N4BP2L2: variants seen among roughly 807,000 people sequenced by gnomAD.
N4BP2L2 encodes the protein NEDD4-binding protein 2-like 2.
N4BP2L2 carries 50 observed loss-of-function variants against 56.2 expected under a neutral mutation model. The observed-to-expected ratio is 0.89, with a 90% confidence interval of 0.71 to 1.13. The LOEUF (loss-of-function observed/expected upper bound fraction) is 1.13, where lower values mean the gene tolerates loss of function less well. Ranked by LOEUF, N4BP2L2 falls within the 50% of genes most tolerant of loss-of-function variation. N4BP2L2 has a pLI of 0.00. For synonymous variants in N4BP2L2, 203 were observed against 223.6 expected (o/e 0.91, Z 0.82); for missense variants, 689 against 693.8 (o/e 0.99, Z 0.08).
chr13:32,512,818 T>G (rs1008468722), exon 6 of N4BP2L2: 5 of 150,440 alleles, frequency 3.3e-5, no homozygotes, highest in Admixed American at 3.3e-4. Context: ...GATCACGAGG[T>G]CAGGAGATCA....
intron 6 of N4BP2L2, among the ~76,000 whole-genome samples, chr13:32,465,147 A>G (rs893265405): frequency 1.3e-5 from 2 of 151,994 alleles, no homozygotes; most frequent in Non-Finnish European, 2.9e-5. Context: ...TTGTATTTTT[A>G]GTAGAGACGG....
Position 32,518,056 on chromosome 13 carries a change from G to C in N4BP2L2, c.1551-53C>G, listed in dbSNP as rs557189256. On this transcript the variant is annotated intron_variant, in intron 5 of 5. Transcript: ENST00000267068. ...CTTTGTTGCAGAATGTACAGGCTTAGAGATTAACTGTTTTAGAGAAAAAGC... is the reference window on the plus strand; with the variant it reads ...CTTTGTTGCAGAATGTACAGGCTTACAGATTAACTGTTTTAGAGAAAAAGC... 2.2e-5 allele frequency: 33 copies of C among 1,509,078 alleles called. 1 individual carries two copies. The South Asian group carries it at 2.9e-4, about 13-fold the overall frequency. 93.5% of individuals were successfully genotyped at this position (1,509,078 alleles called of 1,614,324 possible).
intron 6 of N4BP2L2, among the ~76,000 whole-genome samples, chr13:32,479,911 TGAGA>T (rs148503038): frequency 2.9e-5 from 4 of 139,184 alleles, no homozygotes; most frequent in Non-Finnish European, 4.7e-5. Context: ...AGACACAGAG[TGAGA>T]GAGAGAGAGA....
intron 6 of N4BP2L2, among the ~76,000 whole-genome samples, chr13:32,455,546 G>A (rs73460532): frequency 0.011 from 1,618 of 152,248 alleles, 38 homozygotes; most frequent in African/African-American, 0.036. Flanking sequence ...TGCACATGCC[G>A]AGGACAGGTC....
intron 6 of N4BP2L2, among the ~76,000 whole-genome samples, chr13:32,458,190 G>A (rs537926951): frequency 3.4e-4 from 52 of 152,176 alleles, no homozygotes; most frequent in African/African-American, 7.9e-4. Flanking sequence ...TCAGTCTCCC[G>A]AGTAGCTGGG....
intron 2 of N4BP2L2, among the ~76,000 whole-genome samples, chr13:32,530,016 G>C (rs529990891): frequency 6.6e-6 from 1 of 152,038 alleles, no homozygotes; most frequent in East Asian, 1.9e-4. Context: ...GTGAGCCACC[G>C]TGCCCGGCAC....
In N4BP2L2 at chr13:32,536,616, C is replaced by A. The variant is rs769714752; in HGVS notation, c.412G>T (p.Glu138Ter). 6.2e-7 allele frequency: 1 copy of A among 1,613,768 alleles called. No individual in the cohort carries two copies. The highest frequency in any genetic ancestry group is 8.5e-7 in the Non-Finnish European group (1 of 1,179,974). ...AGAACATGTGCCTCATTCCTCCCTTCATTACGTTTCTTTTTCTCAGGGGGT... is the reference window on the plus strand; with the variant it reads ...AGAACATGTGCCTCATTCCTCCCTTAATTACGTTTCTTTTTCTCAGGGGGT... Residue 138 changes from glutamate to a stop codon, truncating the protein, a stop_gained, in exon 2 of 6, where the codon GAA becomes TAA. Coordinates refer to ENST00000267068, the Ensembl canonical transcript of N4BP2L2. LOFTEE classifies it high-confidence loss of function.
chr13:32,494,120 A>T (rs921638155), intron 6 of N4BP2L2, among the ~76,000 whole-genome samples: 1 of 152,012 alleles, frequency 6.6e-6, no homozygotes, highest in Non-Finnish European at 1.5e-5. Flanking sequence ...AAAAATAAAA[A>T]AAAATAAAAA....
chr13:32,460,386 G>A (rs1245521753), intron 6 of N4BP2L2, among the ~76,000 whole-genome samples: 1 of 152,154 alleles, frequency 6.6e-6, no homozygotes, highest in Non-Finnish European at 1.5e-5. Context: ...CACAGGGCAT[G>A]ATCTTGTATT....
chr13:32,440,935 CTGCCTCCCAGGCA>C (rs148789830), intron 7 of N4BP2L2, among the ~76,000 whole-genome samples: 31,200 of 149,908 alleles, frequency 0.21, 3,496 homozygotes, highest in South Asian at 0.39. Flanking sequence ...ACTGCGACCT[CTGCCTCCCAGGCA>C]GGTTCAAGTG....
chr13:32,477,769 A>G (rs1001597893), intron 6 of N4BP2L2: 10 of 823,872 alleles, frequency 1.2e-5, no homozygotes, highest in African/African-American at 1.1e-4. Flanking sequence ...CTCTGTTCCA[A>G]TTGGGCCTGA....
intron 6 of N4BP2L2, among the ~76,000 whole-genome samples, chr13:32,491,072 T>C (rs934048679): frequency 6.6e-6 from 1 of 151,388 alleles, no homozygotes; most frequent in East Asian, 1.9e-4. Flanking sequence ...GACAGACTTA[T>C]ACAGTGGCTC....
intron 2 of N4BP2L2, among the ~76,000 whole-genome samples, chr13:32,535,480 T>C (rs1161195314): frequency 2.6e-5 from 4 of 152,282 alleles, no homozygotes; most frequent in Admixed American, 2.6e-4. Flanking sequence ...TGTCAGATGC[T>C]ATTCTCAAGT....
chr13:32,434,055 C>A (rs954392062), intron 9 of N4BP2L2, among the ~76,000 whole-genome samples: 1 of 151,428 alleles, frequency 6.6e-6, no homozygotes, highest in Non-Finnish European at 1.5e-5. Flanking sequence ...GCACTAGGCT[C>A]CATACTTTGC....
chr13:32,519,812 G>C (rs2050290223), intron 5 of N4BP2L2, among the ~76,000 whole-genome samples: 2 of 151,898 alleles, frequency 1.3e-5, no homozygotes, highest in Non-Finnish European at 2.9e-5. Context: ...AGCTACACCA[G>C]GTATCAGTTA....
intron 3 of N4BP2L2, chr13:32,525,284 A>G (rs1653372262): frequency 6.6e-6 from 1 of 152,110 alleles, no homozygotes; most frequent in Non-Finnish European, 1.5e-5. Flanking sequence ...AAAAATTAAT[A>G]TTTTTTTAGA....
intron 6 of N4BP2L2, among the ~76,000 whole-genome samples, chr13:32,499,980 C>G (rs1243202013): frequency 6.6e-6 from 1 of 152,234 alleles, no homozygotes; most frequent in East Asian, 1.9e-4. Flanking sequence ...GCTACTGACT[C>G]TACCAGTTTA....
intron 6 of N4BP2L2, chr13:32,446,341 C>T: frequency 7.3e-7 from 1 of 1,363,056 alleles, no homozygotes; most frequent in Non-Finnish European, 9.8e-7. Context: ...TGTAACTCTC[C>T]TTCATGGCCA....
rs1300676082 is a variant in N4BP2L2 at position 32,527,542 on chromosome 13, A to G, written c.1260-10T>C. 1.2e-6 allele frequency: 2 copies of G among 1,609,278 alleles called. No homozygotes were observed. The highest frequency in any genetic ancestry group is 4.5e-5 in the East Asian group (2 of 44,854). ...CTGACCAAGCAGAATTCTGTTAATA[A>G]AAGAAATCATAAAGGTGCCATTTAC... On this transcript the variant is annotated splice_polypyrimidine_tract_variant and intron_variant, in intron 2 of 5. Transcript: ENST00000267068.
Sources: allele counts gnomAD v4.1 joint callset (sites outside exome capture counted in the v4.1 genomes callset), GRCh38; gene constraint gnomAD v4.1.1; transcripts MANE v1.5; gene names NCBI Gene and HGNC (gene_info 2026-07-23, HGNC 2026-07-21).